SPAG17: variants seen among roughly 807,000 people sequenced by gnomAD.
The protein encoded by SPAG17 is sperm-associated antigen 17.
SPAG17 carries 169 observed loss-of-function variants against 273.6 expected under a neutral mutation model. That is an observed-to-expected ratio of 0.62 (90% confidence interval 0.55 to 0.70). The LOEUF is 0.70. Among genes scored for constraint, SPAG17 ranks in the 30% least tolerant of loss-of-function variants. SPAG17 has a pLI of 0.00. For synonymous variants in SPAG17, 825 were observed against 873.2 expected (o/e 0.94, Z 0.97); for missense variants, 2,557 against 2,627.8 (o/e 0.97, Z 0.59).
intron 3 of SPAG17, among the ~76,000 whole-genome samples, chr1:118,124,077 T>C (rs1030420287): frequency 1.3e-5 from 2 of 152,252 alleles, no homozygotes; most frequent in African/African-American, 4.8e-5. Context: ...TGTTTTTGTA[T>C]ACTTGCAAAA....
At chr1:118,114,243 C>G (rs1656934562) in intron 4 of SPAG17, among the ~76,000 whole-genome samples, 1 of 152,128 alleles carries the variant, frequency 6.6e-6, no homozygotes, top group Non-Finnish European at 1.5e-5. Flanking sequence ...GAAAACTGTA[C>G]TATCAATTAT....
At chr1:117,987,911 A>T (rs1557871080) in intron 39 of SPAG17, 30 bp from the exon 40 acceptor site, 1 of 1,612,414 alleles carries the variant, frequency 6.2e-7, no homozygotes, top group Non-Finnish European at 8.5e-7. Context: ...AGTATGGTGA[A>T]AAGGGGCAAT....
intron 25 of SPAG17, among the ~76,000 whole-genome samples, chr1:118,028,595 G>A (rs1648057395): frequency 6.6e-6 from 1 of 152,192 alleles, no homozygotes; most frequent in Admixed American, 6.5e-5. Context: ...ACAAATGGCA[G>A]TAACAACAGT....
intron 3 of SPAG17, among the ~76,000 whole-genome samples, chr1:118,129,973 G>T (rs919022123): frequency 9.2e-5 from 14 of 151,990 alleles, no homozygotes; most frequent in African/African-American, 3.4e-4. Flanking sequence ...CTAAGTTCTT[G>T]GTTTCTCCAC....
intron 1 of SPAG17, 107 bp from the exon 2 acceptor site, chr1:118,151,476 A>G (rs978104672): frequency 2.6e-6 from 3 of 1,139,320 alleles, no homozygotes; most frequent in Non-Finnish European, 3.6e-6. Context: ...ATCTTACTTG[A>G]AAGACAGAGG....
At chr1:118,067,757 C>T (rs1035606521) in intron 17 of SPAG17, among the ~76,000 whole-genome samples, 7 of 152,160 alleles carry the variant, frequency 4.6e-5, no homozygotes, top group Non-Finnish European at 1.0e-4. Flanking sequence ...AGGGACTTGT[C>T]CAAGAACACT....
In SPAG17 at chr1:118,005,450, G is replaced by C; in HGVS notation, c.4740C>G (p.Ile1580Met). ...RYIMRHTSEV[I>M]CEVLDPEGNT... ...TTCCCTCAGGATCCAGAACCTCACA[G>C]ATAACCTCTGAAGTATGCCTCATGA... Residue 1580 changes from isoleucine to methionine, a missense_variant, in exon 32 of 49, where the codon ATC becomes ATG. Coordinates refer to ENST00000336338, the MANE Select transcript of SPAG17 (RefSeq NM_206996.4). 6.2e-7 allele frequency: 1 copy of C among 1,611,798 alleles called. No homozygotes were observed. Among genetic ancestry groups the C allele is most frequent in the Non-Finnish European group, 8.5e-7 (1 of 1,179,042 alleles).
At chr1:118,159,158 G>GA (rs1659792211) in intron 1 of SPAG17, among the ~76,000 whole-genome samples, 1 of 152,212 alleles carries the variant, frequency 6.6e-6, no homozygotes, top group Non-Finnish European at 1.5e-5. Context: ...TTGAATTAGA[G>GA]AAAGAGCGCA....
At chr1:118,184,189 A>G (rs139302750) in intron 1 of SPAG17, among the ~76,000 whole-genome samples, 2 of 152,136 alleles carry the variant, frequency 1.3e-5, no homozygotes, top group African/African-American at 2.4e-5. Flanking sequence ...CTAGTGCACC[A>G]TACAGACATA....
At chr1:118,066,281 G>GA (rs1395993561) in intron 18 of SPAG17, among the ~76,000 whole-genome samples, 1 of 152,130 alleles carries the variant, frequency 6.6e-6, no homozygotes, top group Non-Finnish European at 1.5e-5. Context: ...GAGCTGGAAA[G>GA]AAAAAATCAC....
intron 30 of SPAG17, among the ~76,000 whole-genome samples, chr1:118,011,487 C>T (rs947755512): frequency 9.2e-5 from 14 of 152,114 alleles, no homozygotes; most frequent in African/African-American, 3.1e-4. Context: ...AACCAAATAC[C>T]GCTTCATCTC....
At chr1:118,151,186 A>G (rs756656042) in intron 2 of SPAG17, 43 bp downstream of exon 2, 7 of 1,447,064 alleles carry the variant, frequency 4.8e-6, no homozygotes, top group Non-Finnish European at 6.4e-6. Flanking sequence ...TATTTTAAGT[A>G]AAAAAGTCTT....
At chr1:118,161,255 G>A (rs1659897088) in intron 1 of SPAG17, among the ~76,000 whole-genome samples, 1 of 152,208 alleles carries the variant, frequency 6.6e-6, no homozygotes, top group African/African-American at 2.4e-5. Context: ...AGCTGGAGCT[G>A]TGCAGTAATC....
chr1:117,997,368 A>C (rs1409477096), intron 32 of SPAG17, among the ~76,000 whole-genome samples: 3 of 151,966 alleles, frequency 2.0e-5, no homozygotes, highest in Non-Finnish European at 4.4e-5. Flanking sequence ...TTCTACTTCA[A>C]TTTGCTGTAA....
chr1:118,098,131 T>A (rs1655835730), intron 6 of SPAG17, among the ~76,000 whole-genome samples: 1 of 152,210 alleles, frequency 6.6e-6, no homozygotes, highest in African/African-American at 2.4e-5. Flanking sequence ...TTTTGGGAGC[T>A]AAATATGTTC....
intron 15 of SPAG17, among the ~76,000 whole-genome samples, chr1:118,079,810 A>G (rs1351349167): frequency 1.3e-5 from 2 of 152,092 alleles, no homozygotes; most frequent in East Asian, 3.9e-4. Context: ...GTTTTTCATT[A>G]TCATTTGGTT....
chr1:117,977,322 A>G (rs1335114838), intron 43 of SPAG17, among the ~76,000 whole-genome samples: 1 of 152,164 alleles, frequency 6.6e-6, no homozygotes, highest in Admixed American at 6.5e-5. Context: ...CTCCCTCTCA[A>G]AAAAAGAAAT....
Position 118,028,326 on chromosome 1 carries a change from A to T in SPAG17, c.3678T>A (p.Asn1226Lys), listed in dbSNP as rs1352788897. 4 of 1,613,744 alleles carry T rather than the reference A, an allele frequency of 2.5e-6. No individual in the cohort carries two copies. Among genetic ancestry groups the T allele is most frequent in the Non-Finnish European group, 3.4e-6 (4 of 1,179,794 alleles). ...ACAGGAGCCCACTGGGGCAAGACAC[A>T]TTTAGGCTCTGGAAGGTGGGAACAT... ...TLDVPTFQSL[N>K]VSCPSGLLLT... The change falls in exon 26 of 49, where the codon AAT (asparagine) becomes AAA (lysine). Residue 1226 changes from asparagine (N) to lysine (K), a missense_variant. Physicochemically the swap from Asn to Lys is moderately conservative, Grantham distance 94. Transcript: ENST00000336338.
chr1:118,085,240 A>G (rs1654897266), intron 13 of SPAG17, among the ~76,000 whole-genome samples: 1 of 152,220 alleles, frequency 6.6e-6, no homozygotes, highest in African/African-American at 2.4e-5. Flanking sequence ...GTGAAAGGAC[A>G]GAATGGAAAG....
Sources: allele counts gnomAD v4.1 joint callset (sites outside exome capture counted in the v4.1 genomes callset), GRCh38; gene constraint gnomAD v4.1.1; transcripts MANE v1.5; gene names NCBI Gene and HGNC (gene_info 2026-07-23, HGNC 2026-07-21).